FUT8: variants seen among roughly 807,000 people sequenced by gnomAD.
The protein encoded by FUT8 is alpha-(1,6)-fucosyltransferase.
FUT8 carries 29 observed loss-of-function variants against 71.3 expected under a neutral mutation model. That is an observed-to-expected ratio of 0.41 (90% CI 0.30 to 0.55). The LOEUF (loss-of-function observed/expected upper bound fraction) is 0.55, where lower values mean the gene tolerates loss of function less well. Among genes scored for constraint, FUT8 ranks in the 20% least tolerant of loss-of-function variants. The pLI, the probability that FUT8 is intolerant of heterozygous loss-of-function variation, is 0.34. For missense variants in FUT8, 544 were observed against 702.1 expected (o/e 0.77, Z 2.55); for synonymous variants, 254 against 239.3 (o/e 1.06, Z -0.57).
intron 3 of FUT8, among the ~76,000 whole-genome samples, chr14:65,579,997 A>C (rs1023852072): frequency 6.6e-6 from 1 of 151,588 alleles, no homozygotes; most frequent in East Asian, 1.9e-4. Context: ...AAGGTATCTC[A>C]ATAATAAATA....
At chr14:65,629,829 T>TACACACACACAC (rs3079115) in intron 6 of FUT8, among the ~76,000 whole-genome samples, 27 of 148,100 alleles carry the variant, frequency 1.8e-4, no homozygotes, top group African/African-American at 2.0e-4. Context: ...CTTACACACG[T>TACACACACACAC]ACACACACAC....
the FUT8 span, among the ~76,000 whole-genome samples, chr14:65,404,328 C>T: frequency 6.6e-6 from 1 of 151,622 alleles, no homozygotes; most frequent in Non-Finnish European, 1.5e-5. Flanking sequence ...CCCACCATAG[C>T]GCCCAGCTAA....
chr14:65,417,107 TTTTG>T (rs2065230632), intron 1 of FUT8, among the ~76,000 whole-genome samples: 3 of 151,744 alleles, frequency 2.0e-5, no homozygotes, highest in South Asian at 2.1e-4. Context: ...TTAAAAAGAT[TTTTG>T]TTTGTTTGTT....
At chr14:65,613,851 A>G (rs546651153) in intron 3 of FUT8, among the ~76,000 whole-genome samples, 53 of 152,216 alleles carry the variant, frequency 3.5e-4, no homozygotes, top group African/African-American at 1.3e-3. Context: ...CGTGGCTCAT[A>G]CCTGTAATTC....
At chr14:65,580,304 T>C (rs4902404) in intron 3 of FUT8, among the ~76,000 whole-genome samples, 103,794 of 150,862 alleles carry the variant, frequency 0.69, 35,949 homozygotes, top group East Asian at 0.85. Context: ...AGTTGTAACA[T>C]GATGGTTAAG....
At chr14:65,546,477 C>T (rs892668829) in intron 2 of FUT8, among the ~76,000 whole-genome samples, 9 of 151,508 alleles carry the variant, frequency 5.9e-5, no homozygotes, top group African/African-American at 2.2e-4. Context: ...GAGATTTAAC[C>T]ATATTGTGTA....
chr14:65,459,589 A>G (rs1178631872), intron 2 of FUT8, among the ~76,000 whole-genome samples: 1 of 152,194 alleles, frequency 6.6e-6, no homozygotes, highest in Non-Finnish European at 1.5e-5. Context: ...TGATCCCAGG[A>G]TAAAGAGAGA....
chr14:65,475,159 G>T (rs2066217192), intron 2 of FUT8, among the ~76,000 whole-genome samples: 2 of 151,688 alleles, frequency 1.3e-5, no homozygotes, highest in Non-Finnish European at 2.9e-5. Flanking sequence ...CAACTACTAT[G>T]AATTTGGAAT....
intron 6 of FUT8, among the ~76,000 whole-genome samples, chr14:65,637,287 T>G (rs1890610640): frequency 1.3e-5 from 2 of 152,152 alleles, no homozygotes. Context: ...TTTAGAAAAT[T>G]TATGTTGCGA....
intron 6 of FUT8, among the ~76,000 whole-genome samples, chr14:65,632,534 G>A (rs902563256): frequency 7.9e-5 from 12 of 151,962 alleles, no homozygotes; most frequent in African/African-American, 2.9e-4. Flanking sequence ...TTTGAGAATT[G>A]TCTATTCATA....
intron 6 of FUT8, among the ~76,000 whole-genome samples, chr14:65,667,557 A>G (rs1256948214): frequency 6.6e-6 from 1 of 152,220 alleles, no homozygotes; most frequent in Non-Finnish European, 1.5e-5. Flanking sequence ...CTCCAGGCTC[A>G]TGGGTAGGAA....
Position 65,574,436 on chromosome 14 carries a change from A to G in FUT8, c.203+12670A>G, listed in dbSNP as rs1886649144. Among the ~76,000 whole-genome samples, 1 of 152,136 alleles carries G rather than the reference A, an allele frequency of 6.6e-6. No individual in the cohort carries two copies. Among genetic ancestry groups the G allele is most frequent in the Admixed American group, 6.6e-5 (1 of 15,266 alleles). On this transcript the variant is annotated intron_variant, in intron 3 of 10. Coordinates refer to ENST00000673929, the MANE Select transcript of FUT8 (RefSeq NM_001371533.1). The surrounding 1 kb of genome is among the most constrained non-coding windows in gnomAD (Gnocchi z 5.2). ...ACAGTCAACCACCACAGCAGGGATC[A>G]TGTGTTTTTAACATGTTTTATTGTG... is the stretch of plus-strand genomic sequence containing the variant.
At chr14:65,598,077 G>C (rs1414473529) in intron 3 of FUT8, among the ~76,000 whole-genome samples, 1 of 152,116 alleles carries the variant, frequency 6.6e-6, no homozygotes, top group African/African-American at 2.4e-5. Context: ...TGGAAGCTGA[G>C]GTAAGAGGAC....
intron 2 of FUT8, among the ~76,000 whole-genome samples, chr14:65,506,361 C>A (rs779339178): frequency 6.6e-6 from 1 of 152,160 alleles, no homozygotes; most frequent in Non-Finnish European, 1.5e-5. Flanking sequence ...GTAAAGAACA[C>A]TATACAGTGG....
chr14:65,713,371 G>C (rs1046092180), intron 7 of FUT8, among the ~76,000 whole-genome samples: 5 of 152,118 alleles, frequency 3.3e-5, no homozygotes, highest in African/African-American at 1.2e-4. Flanking sequence ...TGGGAGTTCA[G>C]GTATCTCTTT....
chr14:65,641,217 A>G (rs1431617903), intron 6 of FUT8, among the ~76,000 whole-genome samples: 1 of 152,150 alleles, frequency 6.6e-6, no homozygotes, highest in Non-Finnish European at 1.5e-5. Flanking sequence ...TCTGCTTTCT[A>G]TCATTATAGA....
intron 2 of FUT8, among the ~76,000 whole-genome samples, chr14:65,535,049 A>G (rs1167892958): frequency 1.3e-5 from 2 of 150,712 alleles, no homozygotes; most frequent in Non-Finnish European, 1.5e-5. Context: ...TATATATGTT[A>G]TATATACATA....
At chr14:65,608,029 C>T (rs1250724270) in intron 3 of FUT8, among the ~76,000 whole-genome samples, 1 of 142,480 alleles carries the variant, frequency 7.0e-6, no homozygotes, top group South Asian at 2.2e-4. Context: ...TGTGCCACTG[C>T]ACTCCAGCCT....
At chr14:65,418,994 C>G (rs1168264924) in intron 1 of FUT8, among the ~76,000 whole-genome samples, 1 of 151,962 alleles carries the variant, frequency 6.6e-6, no homozygotes, top group African/African-American at 2.4e-5. Flanking sequence ...TTTGGGAGGC[C>G]GAGGCAGGTG....
Sources: allele counts gnomAD v4.1 joint callset (sites outside exome capture counted in the v4.1 genomes callset), GRCh38; gene constraint gnomAD v4.1.1; non-coding constraint Gnocchi (gnomAD v3.1); transcripts MANE v1.5; gene names NCBI Gene and HGNC (gene_info 2026-07-23, HGNC 2026-07-21).